Variants in ELAPOR2 observed in about 807,000 individuals in gnomAD.
ELAPOR2 encodes the protein endosome/lysosome-associated apoptosis and autophagy regulator family member 2.
In ELAPOR2, 89 loss-of-function variants were observed where a neutral mutation model predicts 120.7. That is an observed-to-expected ratio of 0.74 (90% confidence interval 0.62 to 0.88). The LOEUF (loss-of-function observed/expected upper bound fraction) is 0.88. Ranked by LOEUF, ELAPOR2 falls within the 40% of genes least tolerant of loss-of-function variation. ELAPOR2 has a pLI of 0.00. For missense variants in ELAPOR2, 1,134 were observed against 1,251.6 expected (o/e 0.91, Z 1.42); for synonymous variants, 444 against 444.9 (o/e 1.00, Z 0.03).
At chr7:86,900,065 G>A (rs1428790611) in intron 18 of ELAPOR2, among the ~76,000 whole-genome samples, 1 of 152,082 alleles carries the variant, frequency 6.6e-6, no homozygotes, top group East Asian at 1.9e-4. Context: ...TGATCATTTA[G>A]TGAAAATAGC....
chr7:86,980,756 C>T (rs1027883965), intron 1 of ELAPOR2, among the ~76,000 whole-genome samples: 2 of 152,096 alleles, frequency 1.3e-5, no homozygotes, highest in Non-Finnish European at 2.9e-5. Context: ...TCTCCTTAAA[C>T]GTGTTCCTTT....
Position 86,926,872 on chromosome 7 carries a change from C to G in ELAPOR2, c.1134G>C (p.Glu378Asp), listed in dbSNP as rs780610485. The change falls in exon 9 of 22, where the codon GAG becomes GAC. Residue 378 changes from glutamate to aspartate, a missense_variant. Physicochemically the swap from Glu to Asp is conservative, Grantham distance 45 (BLOSUM62 2). This residue lies in a region of ELAPOR2 where 831 missense variants were observed against 867.6 expected (regional missense o/e 0.96). Transcript: ENST00000450689. ...YKWIEPKICR[E>D]DLTDAIRLPP... ...GCAATCTAATAGCATCTGTGAGATC[C>G]TCCCGGCAGATTTTGGGCTCTATCC... 6.3e-7 allele frequency: 1 copy of G among 1,596,874 alleles called. No homozygotes were observed. Among genetic ancestry groups the G allele is most frequent in the South Asian group, 1.1e-5 (1 of 88,690 alleles).
intron 1 of ELAPOR2, among the ~76,000 whole-genome samples, chr7:87,052,194 G>T (rs573702628): frequency 4.9e-4 from 75 of 152,270 alleles, no homozygotes; most frequent in African/African-American, 1.8e-3. Context: ...CATACCCAAG[G>T]CTGGGCAATT....
At chr7:87,056,919 A>G (rs1371630055) in intron 1 of ELAPOR2, among the ~76,000 whole-genome samples, 7 of 152,212 alleles carry the variant, frequency 4.6e-5, no homozygotes, top group Non-Finnish European at 8.8e-5. Context: ...TGAGGTTCAA[A>G]ATGGCCTATA....
rs1356386006 is a variant in ELAPOR2 at position 86,879,443 on chromosome 7, T to A, written c.*1028A>T. 1 of 152,172 alleles carries A rather than the reference T, an allele frequency of 6.6e-6. No individual in the cohort carries two copies. Among genetic ancestry groups the A allele is most frequent in the Non-Finnish European group, 1.5e-5 (1 of 68,018 alleles). 9.4% of individuals were successfully genotyped at this position (152,172 alleles called of 1,614,324 possible). A position where few individuals can be genotyped will look rare whatever the true frequency, so the allele number is the denominator to read the frequency against. On this transcript the variant is annotated 3_prime_UTR_variant, in exon 22 of 22. Coordinates refer to ENST00000450689, the MANE Select transcript of ELAPOR2 (RefSeq NM_001142749.3). Reference sequence around the variant, plus strand: ...TTCCTGCCTTATTGGATTATTTTTTTAAAAAGTTTCTGAGAAAGTCAACAT... The same window carrying A: ...TTCCTGCCTTATTGGATTATTTTTTAAAAAAGTTTCTGAGAAAGTCAACAT...
chr7:86,996,526 T>C (rs926895688), intron 1 of ELAPOR2, among the ~76,000 whole-genome samples: 2 of 152,220 alleles, frequency 1.3e-5, no homozygotes, highest in African/African-American at 4.8e-5. Flanking sequence ...CCAAAACATG[T>C]AAGGCCTTAG....
intron 1 of ELAPOR2, among the ~76,000 whole-genome samples, chr7:87,048,243 GAAA>G (rs560045626): frequency 3.7e-5 from 4 of 106,878 alleles, no homozygotes; most frequent in African/African-American, 1.1e-4. Context: ...ACTTCATCTA[GAAA>G]AAAAAAAAAA....
At chr7:86,996,791 G>A (rs1635000) in intron 1 of ELAPOR2, among the ~76,000 whole-genome samples, 1 of 151,636 alleles carries the variant, frequency 6.6e-6, no homozygotes, top group African/African-American at 2.4e-5. Flanking sequence ...AACCCCTTAC[G>A]CCATGGCTAT....
At chr7:86,953,838 C>T (rs894263855) in intron 2 of ELAPOR2, among the ~76,000 whole-genome samples, 28 of 152,096 alleles carry the variant, frequency 1.8e-4, no homozygotes, top group Non-Finnish European at 2.9e-4. Flanking sequence ...TAACAGTGGC[C>T]TCAAGTATTT....
At chr7:86,934,725 T>C (rs563469243) in intron 8 of ELAPOR2, among the ~76,000 whole-genome samples, 2 of 152,030 alleles carry the variant, frequency 1.3e-5, no homozygotes, top group Non-Finnish European at 2.9e-5. Flanking sequence ...CAGATTCACA[T>C]AGCTAGCCCA....
chr7:86,903,775 C>A (rs1788832317), intron 18 of ELAPOR2, among the ~76,000 whole-genome samples: 1 of 152,108 alleles, frequency 6.6e-6, no homozygotes, highest in Non-Finnish European at 1.5e-5. Context: ...CAATTTTAGG[C>A]TGATTTATAA....
At chr7:86,896,894 C>T (rs1584318340) in intron 19 of ELAPOR2, among the ~76,000 whole-genome samples, 1 of 152,088 alleles carries the variant, frequency 6.6e-6, no homozygotes, top group East Asian at 1.9e-4. Context: ...ATCAAACTTC[C>T]TTCAGACGTT....
rs530642761 is a variant in ELAPOR2, at chr7:86,945,005, C to T, written c.548G>A (p.Arg183His). The T allele has an allele frequency of 9.0e-6, 14 of 1,550,262 alleles. 1 individual carries two copies. In the African/African-American group the frequency reaches 9.6e-5, roughly 11 times the overall value. The change falls in exon 4 of 22, where the codon CGT becomes CAT. Residue 183 changes from arginine (R) to histidine (H), a missense_variant. Physicochemically the swap from Arg to His is conservative, Grantham distance 29. This residue lies in a region of ELAPOR2 where 280 missense variants were observed against 331.5 expected (regional missense o/e 0.84). Coordinates refer to ENST00000450689, the MANE Select transcript of ELAPOR2 (RefSeq NM_001142749.3). Reference sequence around the variant, plus strand: ...GATCAAAGACACCGTGCAGTCATCACGATTAGATTCTATGTAGTTTCCACG... The same window carrying T: ...GATCAAAGACACCGTGCAGTCATCATGATTAGATTCTATGTAGTTTCCACG... ...IPRGNYIESN[R>H]DDCTVSLIYA...
chr7:86,887,405 G>A (rs1162739524), intron 21 of ELAPOR2, among the ~76,000 whole-genome samples: 2 of 152,008 alleles, frequency 1.3e-5, no homozygotes, highest in East Asian at 1.9e-4. Flanking sequence ...AGTTCTTCCT[G>A]GGCAAATTGA....
intron 1 of ELAPOR2, among the ~76,000 whole-genome samples, chr7:87,037,085 C>G (rs1487238658): frequency 6.6e-6 from 1 of 152,072 alleles, no homozygotes; most frequent in East Asian, 1.9e-4. Context: ...GTTTCATCCT[C>G]AAATGCTTCT....
At chr7:86,909,734 C>T (rs910024656) in intron 16 of ELAPOR2, 78 bp downstream of exon 16, 2 of 1,263,198 alleles carry the variant, frequency 1.6e-6, no homozygotes, top group Admixed American at 2.3e-5. Flanking sequence ...ATAGCAAACA[C>T]CAATACAATG....
chr7:86,908,150 TACACACACACACACACACAC>T (rs144805388), intron 17 of ELAPOR2, among the ~76,000 whole-genome samples: 7 of 144,362 alleles, frequency 4.8e-5, no homozygotes, highest in African/African-American at 1.7e-4. Flanking sequence ...TGTAAGTGAA[TACACACACACACACACACAC>T]ACACACACAC....
At chr7:86,926,208 A>G (rs989124703) in intron 9 of ELAPOR2, among the ~76,000 whole-genome samples, 50 of 152,180 alleles carry the variant, frequency 3.3e-4, no homozygotes, top group African/African-American at 1.2e-3. Context: ...TTAAATTGAC[A>G]TCTGCAAAAT....
At chr7:86,998,844 G>T (rs1164402038) in intron 1 of ELAPOR2, among the ~76,000 whole-genome samples, 1 of 134,150 alleles carries the variant, frequency 7.5e-6, no homozygotes, top group Non-Finnish European at 1.6e-5. Flanking sequence ...TCCATAAATA[G>T]TTCCTTGTTT....
Sources: gnomAD v4.1 joint callset for allele counts (sites outside exome capture counted in the v4.1 genomes callset) on GRCh38, gnomAD v4.1.1 for gene constraint, gnomAD v4.1.1 regional missense constraint, MANE v1.5 for transcripts, NCBI Gene and HGNC (gene_info 2026-07-23, HGNC 2026-07-21) for gene names.